DEFB132: variants seen among roughly 807,000 people sequenced by gnomAD.
DEFB132 encodes the protein beta-defensin 132.
Under a neutral mutation model 2.5 loss-of-function variants are expected in DEFB132, and 5 were observed. The ratio of observed to expected loss-of-function variants is 2.00; its 90% CI spans 1.04 to 4.20. The LOEUF is 4.20. Ranked by LOEUF, DEFB132 falls within the 30% of genes most tolerant of loss-of-function variation. DEFB132 has a pLI of 0.00. For synonymous variants in DEFB132, 53 were observed against 46.2 expected (o/e 1.15, Z -0.60); for missense variants, 112 against 110.0 (o/e 1.02, Z -0.08).
rs1287186891 is a variant in DEFB132, at chr20:260,666, G to A, written c.*1360G>A. ...CACTCAGGCCTAAATAATTAAAAAC[G>A]GTCCTAAAAACTAGCAAACCAGATA... On this transcript the variant is annotated 3_prime_UTR_variant, in exon 2 of 2. Transcript: ENST00000382376. 3 of 152,014 alleles carry A rather than the reference G, an allele frequency of 2.0e-5. No homozygotes were observed. Among genetic ancestry groups the A allele is most frequent in the Admixed American group, 6.6e-5 (1 of 15,254 alleles). The allele number at this position is 152,014 out of a possible 1,614,324, so 9.4% of individuals were successfully genotyped here. A position where few individuals can be genotyped will look rare whatever the true frequency, so the allele number is the denominator to read the frequency against.
Position 259,320 on chromosome 20 carries a change from C to A in DEFB132, c.*14C>A, listed in dbSNP as rs534133019. On this transcript the variant is annotated 3_prime_UTR_variant, in exon 2 of 2. Transcript: ENST00000382376. The stretch of plus-strand genomic sequence containing the variant: ...GTAACATCATAATAACCACTGCTAT[C>A]GCCTCCACCAACTCAGAGAAATATC... 3.0e-5 allele frequency: 49 copies of A among 1,611,920 alleles called. 1 individual carries two copies. The South Asian group carries it at 4.9e-4, about 16-fold the overall frequency.
At chr20:258,966 T>C in intron 1 of DEFB132, 111 bp from the exon 2 acceptor site, 1 of 1,042,496 alleles carries the variant, frequency 9.6e-7, no homozygotes, top group South Asian at 1.6e-5. Flanking sequence ...CACAACATCC[T>C]AAGGATACAC....
chr20:257,792 T>C lies in DEFB132; in HGVS notation c.14T>C (p.Leu5Pro). 6.4e-7 allele frequency: 1 copy of C among 1,551,226 alleles called. No homozygotes were observed. Among genetic ancestry groups the C allele is most frequent in the Non-Finnish European group, 8.7e-7 (1 of 1,151,042 alleles). MKFL[L>P]LVLAALGFLT... ...ACCCCTTCAGCCATGAAGTTCCTGC[T>C]CCTGGTCTTGGCAGCCCTCGGATTC... Residue 5 changes from leucine (L) to proline (P), a missense_variant, in exon 1 of 2, where the codon CTC (leucine) becomes CCC (proline). Leu to Pro is a moderately conservative substitution (Grantham distance 98). Coordinates refer to ENST00000382376, the MANE Select transcript of DEFB132 (RefSeq NM_207469.3).
intron 1 of DEFB132, 30 bp downstream of exon 1, chr20:257,866 A>C (rs373225): frequency 0.56 from 893,019 of 1,583,562 alleles, 259,567 homozygotes; most frequent in East Asian, 0.64. Flanking sequence ...GGAAAGGAAA[A>C]CTGGGAACGA....
rs956998309 is a variant in DEFB132, at chr20:257,756, C to T, written c.-23C>T. 2 of 1,603,476 alleles carry T rather than the reference C, an allele frequency of 1.2e-6. No individual in the cohort carries two copies. The highest frequency in any genetic ancestry group is 1.7e-6 in the Non-Finnish European group (2 of 1,173,702). On this transcript the variant is annotated 5_prime_UTR_variant, in exon 1 of 2. Transcript: ENST00000382376. ...CCCAACTCCATTAAACCACCACCAG[C>T]TCCCCAAGCCACCCCTTCAGCCATG...
At chr20:259,054 CTG>C (rs778268561) in intron 1 of DEFB132, 21 bp from the exon 2 acceptor site, 76 of 1,610,952 alleles carry the variant, frequency 4.7e-5, no homozygotes, top group Middle Eastern at 1.7e-4. Flanking sequence ...CATGACTTCT[CTG>C]TCTTGTCCTC....
intron 1 of DEFB132, among the ~76,000 whole-genome samples, chr20:258,394 G>GGA (rs1347516628): frequency 6.7e-6 from 1 of 150,340 alleles, no homozygotes; most frequent in Non-Finnish European, 1.5e-5. Context: ...CAGAGAGCAG[G>GGA]GAGAGAGAGA....
In DEFB132 at chr20:259,824, G is replaced by C. The variant is rs1217294198; in HGVS notation, c.*518G>C. 3 of 166,814 alleles carry C rather than the reference G, an allele frequency of 1.8e-5. No homozygotes were observed. Among genetic ancestry groups the C allele is most frequent in the Non-Finnish European group, 3.9e-5 (3 of 76,770 alleles). The allele number at this position is 166,814 out of a possible 1,614,324, so 10.3% of individuals were successfully genotyped here. On this transcript the variant is annotated 3_prime_UTR_variant, in exon 2 of 2. Coordinates refer to ENST00000382376, the MANE Select transcript of DEFB132 (RefSeq NM_207469.3). ...GCTCACGCAGGGCAGGAATAGCCAG[G>C]TTCTCATATCCCAGGGGTTCAGACT...
At chr20:259,026 C>A in intron 1 of DEFB132, 51 bp from the exon 2 acceptor site, 1 of 1,585,564 alleles carries the variant, frequency 6.3e-7, no homozygotes, top group Non-Finnish European at 8.6e-7. Flanking sequence ...GCTTTAGTAG[C>A]CCTGTGCTGC....
In DEFB132 at chr20:260,835, ATAT is replaced by A. The variant is rs2011636487; in HGVS notation, c.*1530_*1532del. The A allele has an allele frequency of 6.6e-6, 1 of 152,248 alleles. No individual in the cohort carries two copies. The highest frequency in any genetic ancestry group is 2.4e-5 in the African/African-American group (1 of 41,472). The allele number at this position is 152,248 out of a possible 1,614,324, so 9.4% of individuals were successfully genotyped here. On this transcript the variant is annotated 3_prime_UTR_variant, in exon 2 of 2. Coordinates refer to ENST00000382376, the MANE Select transcript of DEFB132 (RefSeq NM_207469.3). ...TTTAAGAGCAAGGAAATTCTTATAA[ATAT>A]AACAATAGAGGCAGAACTCATGTAA... is the stretch of plus-strand genomic sequence containing the variant.
At position 259,417 on chromosome 20, in the gene DEFB132, A is replaced by G; in HGVS notation, c.*111A>G. On this transcript the variant is annotated 3_prime_UTR_variant, in exon 2 of 2. Coordinates refer to ENST00000382376, the MANE Select transcript of DEFB132 (RefSeq NM_207469.3). The stretch of plus-strand genomic sequence containing the variant: ...GCTCCTCTTTATGGGGCAGATATCT[A>G]TAGCCAACCCCAAAACTTCTGTCTT... 4 of 1,173,734 alleles carry G rather than the reference A, an allele frequency of 3.4e-6. No individual in the cohort carries two copies. Among genetic ancestry groups the G allele is most frequent in the Non-Finnish European group, 4.7e-6 (4 of 846,208 alleles). 72.7% of individuals were successfully genotyped at this position (1,173,734 alleles called of 1,614,324 possible).
chr20:260,665 C>T lies in DEFB132; in HGVS notation c.*1359C>T, dbSNP rs1019087741. On this transcript the variant is annotated 3_prime_UTR_variant, in exon 2 of 2. Transcript: ENST00000382376. Reference sequence around the variant, plus strand: ...ACACTCAGGCCTAAATAATTAAAAACGGTCCTAAAAACTAGCAAACCAGAT... The same window carrying T: ...ACACTCAGGCCTAAATAATTAAAAATGGTCCTAAAAACTAGCAAACCAGAT... 28 of 152,224 alleles carry T rather than the reference C, an allele frequency of 1.8e-4. No individual in the cohort carries two copies. In the East Asian group the frequency reaches 2.1e-3, roughly 12 times the overall value. 9.4% of individuals were successfully genotyped at this position (152,224 alleles called of 1,614,324 possible).
At chr20:258,128 T>C (rs1049077689) in intron 1 of DEFB132, among the ~76,000 whole-genome samples, 9 of 152,236 alleles carry the variant, frequency 5.9e-5, no homozygotes, top group African/African-American at 2.2e-4. Context: ...TCTAACCTCC[T>C]AAGACACACT....
At position 261,008 on chromosome 20, in the gene DEFB132, A is replaced by C. The variant is rs2011639286; in HGVS notation, c.*1702A>C. ...CTCTTCCGTCATATGAATAGTATTC[A>C]TTTGTATACTGGTTTGTTGATGGAC... is the stretch of plus-strand genomic sequence containing the variant. On this transcript the variant is annotated 3_prime_UTR_variant, in exon 2 of 2. Transcript: ENST00000382376. 1 of 152,130 alleles carries C rather than the reference A, an allele frequency of 6.6e-6. No individual in the cohort carries two copies. Among genetic ancestry groups the C allele is most frequent in the South Asian group, 2.1e-4 (1 of 4,820 alleles). The allele number at this position is 152,130 out of a possible 1,614,324, so 9.4% of individuals were successfully genotyped here. A position where few individuals can be genotyped will look rare whatever the true frequency, so the allele number is the denominator to read the frequency against.
Position 257,857 on chromosome 20 carries a change from GA to G in DEFB132, c.58+24del, listed in dbSNP as rs758899737. 3.8e-5 allele frequency: 61 copies of G among 1,600,582 alleles called. 2 individuals carry two copies. The East Asian group carries it at 1.4e-3, about 36-fold the overall frequency. ...CCCAGGTAAACTGGATAAATAGGAG[GA>G]AAGGAAAACTGGGAACGAGGAACAC... On this transcript the variant is annotated intron_variant, in intron 1 of 1. Transcript: ENST00000382376.
chr20:260,365 A>G lies in DEFB132; in HGVS notation c.*1059A>G, dbSNP rs2011630125. Reference sequence around the variant, plus strand: ...AAATGCTGAGAAAATGAAAAAATCTAAATGGTGAAATATATACTAATGCCA... The same window carrying G: ...AAATGCTGAGAAAATGAAAAAATCTGAATGGTGAAATATATACTAATGCCA... On this transcript the variant is annotated 3_prime_UTR_variant, in exon 2 of 2. Coordinates refer to ENST00000382376, the MANE Select transcript of DEFB132 (RefSeq NM_207469.3). 6.6e-6 allele frequency: 1 copy of G among 152,240 alleles called. No homozygotes were observed. The highest frequency in any genetic ancestry group is 2.4e-5 in the African/African-American group (1 of 41,456). 9.4% of individuals were successfully genotyped at this position (152,240 alleles called of 1,614,324 possible). A position where few individuals can be genotyped will look rare whatever the true frequency, so the allele number is the denominator to read the frequency against.
At chr20:259,052 C>A (rs764248512) in intron 1 of DEFB132, 25 bp from the exon 2 acceptor site, 4 of 1,610,912 alleles carry the variant, frequency 2.5e-6, no homozygotes, top group Middle Eastern at 1.7e-4. Context: ...ACCATGACTT[C>A]TCTGTCTTGT....
Position 259,905 on chromosome 20 carries a change from G to T in DEFB132, c.*599G>T, listed in dbSNP as rs909617188. 6.4e-6 allele frequency: 1 copy of T among 155,760 alleles called. No individual in the cohort carries two copies. The highest frequency in any genetic ancestry group is 6.2e-5 in the Admixed American group (1 of 16,110). 9.6% of individuals were successfully genotyped at this position (155,760 alleles called of 1,614,324 possible). On this transcript the variant is annotated 3_prime_UTR_variant, in exon 2 of 2. Coordinates refer to ENST00000382376, the MANE Select transcript of DEFB132 (RefSeq NM_207469.3). ...GGTGACTGCTACCATAGGTCTGGAA[G>T]TATGAGGCTGTCCACCAACTATCCC...
rs754342061 is a variant in DEFB132 at position 259,244 on chromosome 20, C to T, written c.226C>T (p.Gln76Ter). 1.4e-6 allele frequency: 2 copies of T among 1,444,402 alleles called. No homozygotes were observed. The highest frequency in any genetic ancestry group is 2.3e-5 in the South Asian group (2 of 88,686). The allele number at this position is 1,444,402 out of a possible 1,614,324, so 89.5% of individuals were successfully genotyped here. The change falls in exon 2 of 2, where the codon CAA becomes TAA. Residue 76 changes from glutamine (Q) to a stop codon, truncating the protein, a stop_gained. Coordinates refer to ENST00000382376, the MANE Select transcript of DEFB132 (RefSeq NM_207469.3). LOFTEE classifies it low-confidence loss of function (END_TRUNC). ...DLPQLIGNHW[Q>*]SRRRNTQRKD... ...ACCACAGCTCATCGGTAACCACTGG[C>T]AATCAAGGAGAAGAAACACACAAAG...
Sources: gnomAD v4.1 joint callset for allele counts (sites outside exome capture counted in the v4.1 genomes callset) on GRCh38, gnomAD v4.1.1 for gene constraint, MANE v1.5 for transcripts, NCBI Gene and HGNC (gene_info 2026-07-23, HGNC 2026-07-21) for gene names.